The following AFG2A variants were observed in gnomAD, a reference collection of about 807,000 sequenced individuals.
AFG2A encodes ATPase family gene 2 protein homolog A.
At chr4:122,964,501 CAAAAAA>C in the AFG2A span, among the ~76,000 whole-genome samples, 1 of 126,066 alleles carries the variant, frequency 7.9e-6, no homozygotes, top group Admixed American at 7.8e-5. Context: ...AAGACTGTCT[CAAAAAA>C]AAAAAAAAAA....
chr4:122,933,570 G>A, the AFG2A span: 4 of 1,180,396 alleles, frequency 3.4e-6, no homozygotes, highest in African/African-American at 3.1e-5. Flanking sequence ...TGTCTTTGAG[G>A]GCTTATATAT....
At chr4:123,306,315 C>T in the AFG2A span, among the ~76,000 whole-genome samples, 24 of 152,030 alleles carry the variant, frequency 1.6e-4, no homozygotes, top group Non-Finnish European at 2.4e-4. Flanking sequence ...GATATTCGAT[C>T]GTCAGATCTA....
chr4:123,228,124 A>G, the AFG2A span, among the ~76,000 whole-genome samples: 1 of 151,962 alleles, frequency 6.6e-6, no homozygotes, highest in Non-Finnish European at 1.5e-5. Context: ...TGAGATTTTG[A>G]GATGAGTTTC....
chr4:123,142,100 G>T, the AFG2A span, among the ~76,000 whole-genome samples: 1 of 152,066 alleles, frequency 6.6e-6, no homozygotes, highest in Non-Finnish European at 1.5e-5. Flanking sequence ...TTATATTTTT[G>T]CGAAGAATTT....
the AFG2A span, chr4:122,923,179 A>T: frequency 6.2e-7 from 1 of 1,614,220 alleles, no homozygotes; most frequent in Non-Finnish European, 8.5e-7. Flanking sequence ...GTTGAACCAA[A>T]GCGCGGAAAA....
chr4:123,088,165 C>T, the AFG2A span, among the ~76,000 whole-genome samples: 4 of 152,100 alleles, frequency 2.6e-5, no homozygotes, highest in African/African-American at 9.7e-5. Flanking sequence ...CCATTGTGCA[C>T]TTTATCCAGT....
the AFG2A span, among the ~76,000 whole-genome samples, chr4:123,232,379 T>C: frequency 0.013 from 1,919 of 151,948 alleles, 51 homozygotes; most frequent in African/African-American, 0.044. Flanking sequence ...TAATGTGGAG[T>C]GTCAGAAGCC....
At chr4:123,011,475 G>A in the AFG2A span, among the ~76,000 whole-genome samples, 29 of 152,088 alleles carry the variant, frequency 1.9e-4, no homozygotes, top group Admixed American at 2.0e-4. Context: ...GGTTTCACTC[G>A]CGTCCCTGTG....
the AFG2A span, chr4:122,938,265 G>A: frequency 6.4e-7 from 1 of 1,550,420 alleles, no homozygotes; most frequent in Non-Finnish European, 8.7e-7. Flanking sequence ...TATAGCACTA[G>A]TATTGATTCT....
the AFG2A span, among the ~76,000 whole-genome samples, chr4:123,004,652 C>T: frequency 2.6e-5 from 4 of 152,156 alleles, 1 homozygote; most frequent in Non-Finnish European, 4.4e-5. Context: ...AGGATTTTTG[C>T]ATATATGTTC....
At chr4:123,298,434 T>A in the AFG2A span, among the ~76,000 whole-genome samples, 1 of 152,332 alleles carries the variant, frequency 6.6e-6, no homozygotes, top group South Asian at 2.1e-4. Flanking sequence ...TTAAGTTCAG[T>A]TCGACCCAAT....
the AFG2A span, among the ~76,000 whole-genome samples, chr4:123,140,224 G>A: frequency 0.012 from 1,801 of 152,170 alleles, 43 homozygotes; most frequent in African/African-American, 0.04. Context: ...GGGAGAATGA[G>A]TAAGTGAAAA....
At chr4:123,175,572 G>A in the AFG2A span, among the ~76,000 whole-genome samples, 5 of 152,210 alleles carry the variant, frequency 3.3e-5, no homozygotes, top group African/African-American at 1.2e-4. Context: ...CTGGTCTGAA[G>A]AGCAATGTCA....
At chr4:123,130,808 G>A in the AFG2A span, among the ~76,000 whole-genome samples, 1 of 152,108 alleles carries the variant, frequency 6.6e-6, no homozygotes, top group Non-Finnish European at 1.5e-5. Flanking sequence ...GTAATTAACT[G>A]TATGCTTAAT....
chr4:123,255,846 T>C, the AFG2A span, among the ~76,000 whole-genome samples: 56 of 151,906 alleles, frequency 3.7e-4, no homozygotes, highest in East Asian at 6.4e-3. Flanking sequence ...ACTCTTGACA[T>C]TGTTTGTATC....
At chr4:123,100,835 T>C in the AFG2A span, among the ~76,000 whole-genome samples, 1 of 151,996 alleles carries the variant, frequency 6.6e-6, no homozygotes, top group Non-Finnish European at 1.5e-5. Flanking sequence ...ATACCAGATA[T>C]AGAAGTTATC....
the AFG2A span, among the ~76,000 whole-genome samples, chr4:123,001,384 A>G: frequency 2.0e-5 from 3 of 152,016 alleles, no homozygotes; most frequent in Non-Finnish European, 4.4e-5. Context: ...TAGTTCTTCT[A>G]ATTGTGATGT....
the AFG2A span, among the ~76,000 whole-genome samples, chr4:123,255,346 G>A: frequency 6.6e-6 from 1 of 151,848 alleles, no homozygotes; most frequent in Non-Finnish European, 1.5e-5. Flanking sequence ...CCAACATGGT[G>A]AAACCCCGTC....
chr4:122,936,867 C>G, the AFG2A span, among the ~76,000 whole-genome samples: 1 of 152,170 alleles, frequency 6.6e-6, no homozygotes, highest in African/African-American at 2.4e-5. Flanking sequence ...GTAATCCCAG[C>G]TACTCGGGAG....
Sources: allele counts gnomAD v4.1 joint callset (sites outside exome capture counted in the v4.1 genomes callset), GRCh38; gene constraint gnomAD v4.1.1; transcripts MANE v1.5; gene names NCBI Gene and HGNC (gene_info 2026-07-23, HGNC 2026-07-21).